HTR1E: variants seen among roughly 807,000 people sequenced by gnomAD.
The protein encoded by HTR1E is 5-hydroxytryptamine receptor 1E, also known as 5-HT-1E.
A neutral mutation model predicts 3.4 loss-of-function variants in HTR1E; 3 were observed. The observed-to-expected ratio is 0.89, with a 90% confidence interval of 0.41 to 2.31. The LOEUF (loss-of-function observed/expected upper bound fraction) is 2.31. HTR1E is among the 30% of genes most tolerant of loss of function. The pLI is 0.05. For synonymous variants in HTR1E, 170 were observed against 182.8 expected, an observed-to-expected ratio of 0.93 and a Z score of 0.56; for missense variants, 392 against 467.0, an observed-to-expected ratio of 0.84 and a Z score of 1.48.
chr6:86,997,013 C>T (rs74507177), intron 1 of HTR1E, among the ~76,000 whole-genome samples: 6,559 of 151,932 alleles, frequency 0.043, 242 homozygotes, highest in East Asian at 0.13. Flanking sequence ...AAGAATTATA[C>T]AGCACAAACA....
intron 1 of HTR1E, among the ~76,000 whole-genome samples, chr6:87,004,251 T>A (rs950484832): frequency 2.0e-5 from 3 of 152,160 alleles, no homozygotes; most frequent in Non-Finnish European, 4.4e-5. Context: ...CTTCCACATT[T>A]ATTCTGTGAA....
chr6:86,963,492 G>A (rs931905083), intron 1 of HTR1E, among the ~76,000 whole-genome samples: 25 of 152,258 alleles, frequency 1.6e-4, no homozygotes, highest in Non-Finnish European at 3.2e-4. Context: ...ACAGTGTTTA[G>A]AAAGTCTACA....
Position 86,971,349 on chromosome 6 carries a change from CT to C in HTR1E, c.-186+33527del, listed in dbSNP as rs150170758. ...TCACACCTTTTCTCCTGTAGCCTCA[CT>C]GTTCTTCAGAAACTTTATGGATTAT... is the stretch of plus-strand genomic sequence containing the variant. On this transcript the variant is annotated intron_variant, in intron 1 of 1. Coordinates refer to ENST00000305344, the MANE Select transcript of HTR1E (RefSeq NM_000865.3). Among the ~76,000 whole-genome samples, 351 of 152,286 alleles carry C rather than the reference CT, an allele frequency of 2.3e-3. 1 individual carries two copies. Among genetic ancestry groups the C allele is most frequent in the African/African-American group, 6.3e-3 (261 of 41,572 alleles).
intron 1 of HTR1E, among the ~76,000 whole-genome samples, chr6:86,988,320 G>T (rs369220479): frequency 2.7e-4 from 41 of 152,258 alleles, no homozygotes; most frequent in African/African-American, 9.1e-4. Flanking sequence ...GAAAATCTGA[G>T]ATTTTACCCT....
intron 1 of HTR1E, among the ~76,000 whole-genome samples, chr6:86,939,682 A>G (rs1440845091): frequency 6.6e-6 from 1 of 152,240 alleles, no homozygotes; most frequent in African/African-American, 2.4e-5. Context: ...CAAATTAACA[A>G]TGTGTATCCA....
Position 87,016,204 on chromosome 6 carries a change from A to C in HTR1E, c.870A>C (p.Ala290=). Residue 290 remains alanine, a synonymous_variant, in exon 2 of 2, where the codon GCA becomes GCC. Coordinates refer to ENST00000305344, the MANE Select transcript of HTR1E (RefSeq NM_000865.3). ...CTAGCACCAGGGAACGGAAGGCAGC[A>C]CGCATCCTGGGGCTGATTCTGGGTG... ...QISSTRERKA[A]RILGLILGAF... is the part of the protein sequence containing the mutation. 1 of 1,614,142 alleles carries C rather than the reference A, an allele frequency of 6.2e-7. No homozygotes were observed. Among genetic ancestry groups the C allele is most frequent in the Non-Finnish European group, 8.5e-7 (1 of 1,180,028 alleles).
chr6:86,982,286 C>T (rs1355024094), intron 1 of HTR1E, among the ~76,000 whole-genome samples: 2 of 152,196 alleles, frequency 1.3e-5, no homozygotes, highest in Non-Finnish European at 2.9e-5. Flanking sequence ...GAACATTCAC[C>T]TTCTAAATGT....
intron 1 of HTR1E, among the ~76,000 whole-genome samples, chr6:86,981,565 T>C (rs928540957): frequency 2.0e-5 from 3 of 152,192 alleles, no homozygotes; most frequent in African/African-American, 7.2e-5. Context: ...ACTATCATCT[T>C]CAATGTCCTG....
intron 1 of HTR1E, among the ~76,000 whole-genome samples, chr6:86,987,952 T>G (rs951905935): frequency 1.1e-4 from 16 of 152,312 alleles, no homozygotes; most frequent in African/African-American, 3.8e-4. Context: ...AACACCTGAC[T>G]TTCGGAGAGG....
intron 1 of HTR1E, among the ~76,000 whole-genome samples, chr6:86,946,362 C>G (rs936993212): frequency 1.3e-5 from 2 of 152,198 alleles, no homozygotes; most frequent in African/African-American, 4.8e-5. Context: ...CATTTGCCTA[C>G]AGTATTCAAT....
In HTR1E at chr6:87,016,130, C is replaced by T. The variant is rs201697780; in HGVS notation, c.796C>T (p.Pro266Ser). ...AAAGTTCCATGCCTCCATCAGGATC[C>T]CCCCCTTCGACAATGATCTAGATCA... ...FEKFHASIRI[P>S]PFDNDLDHPG... Residue 266 changes from proline to serine, a missense_variant, in exon 2 of 2, where the codon CCC (proline) becomes TCC (serine). Physicochemically the swap from Pro to Ser is moderately conservative, Grantham distance 74. Transcript: ENST00000305344. 2 of 1,614,152 alleles carry T rather than the reference C, an allele frequency of 1.2e-6. No homozygotes were observed. The highest frequency in any genetic ancestry group is 1.7e-6 in the Non-Finnish European group (2 of 1,180,020).
rs371516749 is a variant in HTR1E at position 87,015,739 on chromosome 6, G to C, written c.405G>C (p.Thr135=). 2 of 1,609,694 alleles carry C rather than the reference G, an allele frequency of 1.2e-6. No homozygotes were observed. The highest frequency in any genetic ancestry group is 8.5e-7 in the Non-Finnish European group (1 of 1,177,364). Residue 135 remains threonine, a synonymous_variant, in exon 2 of 2, where the codon ACG becomes ACC. Coordinates refer to ENST00000305344, the MANE Select transcript of HTR1E (RefSeq NM_000865.3). ...CTATTGAATACGCCAGGAAGAGGAC[G>C]GCCAAGAGGGCCGCGCTGATGATCC... is the stretch of plus-strand genomic sequence containing the variant. ...TNAIEYARKR[T]AKRAALMILT... is the part of the protein sequence containing the mutation.
chr6:86,973,786 C>T (rs1767593158), intron 1 of HTR1E, among the ~76,000 whole-genome samples: 1 of 152,192 alleles, frequency 6.6e-6, no homozygotes, highest in East Asian at 1.9e-4. Context: ...CAAGTTCAAG[C>T]TAACCCACTT....
intron 1 of HTR1E, among the ~76,000 whole-genome samples, chr6:86,946,230 G>A (rs1177028895): frequency 6.6e-6 from 1 of 152,152 alleles, no homozygotes; most frequent in Non-Finnish European, 1.5e-5. Flanking sequence ...ACCCAGAGCA[G>A]CTTCTAATCC....
intron 1 of HTR1E, among the ~76,000 whole-genome samples, chr6:87,002,521 A>G (rs574377296): frequency 2.6e-5 from 4 of 152,216 alleles, no homozygotes; most frequent in East Asian, 1.9e-4. Flanking sequence ...TGATTGGTCC[A>G]TTTTACAGGG....
chr6:86,958,496 T>C (rs918115380), intron 1 of HTR1E, among the ~76,000 whole-genome samples: 6 of 152,126 alleles, frequency 3.9e-5, no homozygotes, highest in Non-Finnish European at 8.8e-5. Flanking sequence ...TAAGTATCTG[T>C]TGGCCTCTGT....
chr6:87,011,788 AGGAG>A (rs1374984673), intron 1 of HTR1E, among the ~76,000 whole-genome samples: 1 of 152,196 alleles, frequency 6.6e-6, no homozygotes, highest in African/African-American at 2.4e-5. Flanking sequence ...CCAAGCCCAT[AGGAG>A]ATTTATTAAT....
At chr6:86,972,644 A>AGG (rs2127823356) in intron 1 of HTR1E, among the ~76,000 whole-genome samples, 1 of 152,346 alleles carries the variant, frequency 6.6e-6, no homozygotes, top group East Asian at 1.9e-4. Context: ...TGTGACTTTA[A>AGG]AAATAATATT....
intron 1 of HTR1E, among the ~76,000 whole-genome samples, chr6:87,011,207 C>T (rs1768228795): frequency 6.6e-6 from 1 of 152,154 alleles, no homozygotes; most frequent in African/African-American, 2.4e-5. Flanking sequence ...GCTAAGCTGA[C>T]AGAGTTGAGG....
Sources: gnomAD v4.1 joint callset for allele counts (sites outside exome capture counted in the v4.1 genomes callset) on GRCh38, gnomAD v4.1.1 for gene constraint, MANE v1.5 for transcripts, NCBI Gene and HGNC (gene_info 2026-07-23, HGNC 2026-07-21) for gene names.